COMMD10: variants seen among roughly 807,000 people sequenced by gnomAD.
The protein encoded by COMMD10 is COMM domain containing 10.
A neutral mutation model predicts 28.9 loss-of-function variants in COMMD10; 33 were observed. The observed-to-expected ratio is 1.14, with a 90% CI of 0.87 to 1.53. The LOEUF (loss-of-function observed/expected upper bound fraction) is 1.53. COMMD10 is among the 40% of genes most tolerant of loss of function. COMMD10 has a pLI of 0.00. For missense variants in COMMD10, 310 were observed against 233.4 expected, an observed-to-expected ratio of 1.33 and a Z score of -2.14; for synonymous variants, 110 against 81.7, an observed-to-expected ratio of 1.35 and a Z score of -1.87.
intron 5 of COMMD10, among the ~76,000 whole-genome samples, chr5:116,269,983 C>T (rs757505169): frequency 2.2e-4 from 33 of 151,780 alleles, no homozygotes; most frequent in Non-Finnish European, 4.1e-4. Context: ...TATTAATTGC[C>T]ATTTTTATTG....
chr5:116,254,476 C>G (rs1162241900), intron 5 of COMMD10, among the ~76,000 whole-genome samples: 2 of 150,766 alleles, frequency 1.3e-5, no homozygotes, highest in Admixed American at 6.6e-5. Flanking sequence ...TGAATGCGTC[C>G]CAGAGATTCT....
intron 5 of COMMD10, among the ~76,000 whole-genome samples, chr5:116,158,174 CGT>C (rs79671187): frequency 0.77 from 21,970 of 28,636 alleles, 8,990 homozygotes; most frequent in Non-Finnish European, 0.83. Flanking sequence ...CCTCTCCCTC[CGT>C]CTCCCCTCTC....
rs73271217 is a variant in COMMD10 at position 116,108,975 on chromosome 5, C to T, written c.399+16275C>T. Among the ~76,000 whole-genome samples, 1,002 of 152,198 alleles carry T rather than the reference C, an allele frequency of 6.6e-3. 14 individuals carry two copies. Among genetic ancestry groups the T allele is most frequent in the African/African-American group, 0.022 (921 of 41,516 alleles). The stretch of plus-strand genomic sequence containing the variant: ...GGATCTCCTGACCCGTTGTGCTTCC[C>T]GGGTGAGGCAATGCCCCACCCTGCT... On this transcript the variant is annotated intron_variant, in intron 4 of 6. Coordinates refer to ENST00000274458, the MANE Select transcript of COMMD10 (RefSeq NM_016144.4).
At chr5:116,128,331 T>G (rs1038672721) in intron 4 of COMMD10, among the ~76,000 whole-genome samples, 1 of 152,020 alleles carries the variant, frequency 6.6e-6, no homozygotes, top group East Asian at 1.9e-4. Context: ...TGGCATGGGT[T>G]GAAAACCATT....
chr5:116,115,265 G>C (rs921139475), intron 4 of COMMD10, among the ~76,000 whole-genome samples: 1 of 152,100 alleles, frequency 6.6e-6, no homozygotes, highest in African/African-American at 2.4e-5. Context: ...TTATACAATT[G>C]ATTCTCCAGT....
rs552514286 is a variant in COMMD10 at position 116,283,472 on chromosome 5, G to T, written c.511-8045G>T. Among the ~76,000 whole-genome samples the T allele has an allele frequency of 6.6e-5, 10 of 151,108 alleles. 1 individual carries two copies. Among genetic ancestry groups the T allele is most frequent in the African/African-American group, 2.5e-4 (10 of 40,776 alleles). ...AGCGATTCTCCTGCCTCATCCTCCTGAGCAGCTGGAATTACAGGCACCCAC... is the reference window on the plus strand; with the variant it reads ...AGCGATTCTCCTGCCTCATCCTCCTTAGCAGCTGGAATTACAGGCACCCAC... On this transcript the variant is annotated intron_variant, in intron 5 of 6. Coordinates refer to ENST00000274458, the MANE Select transcript of COMMD10 (RefSeq NM_016144.4).
intron 5 of COMMD10, among the ~76,000 whole-genome samples, chr5:116,224,295 T>C (rs1337080517): frequency 6.6e-6 from 1 of 152,230 alleles, no homozygotes; most frequent in Non-Finnish European, 1.5e-5. Context: ...TCTATGTAGA[T>C]AGGAGCCATC....
intron 5 of COMMD10, among the ~76,000 whole-genome samples, chr5:116,193,123 C>G (rs950741460): frequency 2.6e-5 from 4 of 152,146 alleles, no homozygotes; most frequent in African/African-American, 9.7e-5. Context: ...GTGAATTCAC[C>G]ATTACCAAGC....
At chr5:116,193,096 G>A (rs115828372) in intron 5 of COMMD10, among the ~76,000 whole-genome samples, 2,426 of 152,088 alleles carry the variant, frequency 0.016, 67 homozygotes, top group African/African-American at 0.056. Context: ...AGTCTTTTTC[G>A]GAAAAACAAA....
chr5:116,204,375 G>A (rs929826146), intron 5 of COMMD10, among the ~76,000 whole-genome samples: 17 of 152,184 alleles, frequency 1.1e-4, no homozygotes, highest in African/African-American at 3.6e-4. Flanking sequence ...AAATATTACA[G>A]TGAGGCTTGT....
chr5:116,168,858 C>T (rs987359143), intron 5 of COMMD10, among the ~76,000 whole-genome samples: 1 of 152,056 alleles, frequency 6.6e-6, no homozygotes, highest in African/African-American at 2.4e-5. Context: ...ATAGCACTAA[C>T]TGCCCACAGG....
chr5:116,278,860 G>T (rs1045877514), intron 5 of COMMD10, among the ~76,000 whole-genome samples: 1 of 151,722 alleles, frequency 6.6e-6, no homozygotes, highest in Non-Finnish European at 1.5e-5. Flanking sequence ...TATTTTCTGA[G>T]TAAACAAGAC....
chr5:116,173,753 T>A (rs759233481), intron 5 of COMMD10, among the ~76,000 whole-genome samples: 15 of 152,110 alleles, frequency 9.9e-5, no homozygotes, highest in Non-Finnish European at 2.1e-4. Flanking sequence ...TTGCACATAC[T>A]AACTGCAGAA....
At chr5:116,270,840 G>A (rs1266561586) in intron 5 of COMMD10, among the ~76,000 whole-genome samples, 1 of 151,638 alleles carries the variant, frequency 6.6e-6, no homozygotes, top group Admixed American at 6.6e-5. Context: ...TTGGGAGGCT[G>A]AGACAGGAAA....
chr5:116,233,379 TC>T (rs1273413421), intron 5 of COMMD10, among the ~76,000 whole-genome samples: 1 of 152,162 alleles, frequency 6.6e-6, no homozygotes, highest in Admixed American at 6.5e-5. Context: ...GTCAGTGCTA[TC>T]AGCAGTTTCA....
At chr5:116,131,219 A>G (rs1751850515) in intron 4 of COMMD10, among the ~76,000 whole-genome samples, 1 of 151,990 alleles carries the variant, frequency 6.6e-6, no homozygotes, top group South Asian at 2.1e-4. Flanking sequence ...TGAATAGAAT[A>G]TGTAACTTGC....
chr5:116,176,831 G>T (rs1753528688), intron 5 of COMMD10, among the ~76,000 whole-genome samples: 1 of 152,058 alleles, frequency 6.6e-6, no homozygotes, highest in Non-Finnish European at 1.5e-5. Context: ...TTAATATAAA[G>T]AATTAGAAAG....
intron 5 of COMMD10, among the ~76,000 whole-genome samples, chr5:116,256,933 TACTC>T (rs1405918624): frequency 2.6e-5 from 4 of 151,750 alleles, no homozygotes; most frequent in Non-Finnish European, 4.4e-5. Context: ...TTATTAGACT[TACTC>T]ACACATATGT....
At chr5:116,250,304 C>T (rs574608427) in intron 5 of COMMD10, among the ~76,000 whole-genome samples, 3 of 151,504 alleles carry the variant, frequency 2.0e-5, no homozygotes, top group African/African-American at 7.3e-5. Flanking sequence ...GTAATAATAA[C>T]GTGTTATCTT....
Sources: allele counts gnomAD v4.1 joint callset (sites outside exome capture counted in the v4.1 genomes callset), GRCh38; gene constraint gnomAD v4.1.1; transcripts MANE v1.5; gene names NCBI Gene and HGNC (gene_info 2026-07-23, HGNC 2026-07-21).